MTHFD1L: variants seen among roughly 807,000 people sequenced by gnomAD.
MTHFD1L encodes methylenetetrahydrofolate dehydrogenase (NADP+ dependent) 1 like.
MTHFD1L carries 81 observed loss-of-function variants against 119.5 expected under a neutral mutation model. The observed-to-expected ratio is 0.68, with a 90% confidence interval of 0.57 to 0.82. The LOEUF (loss-of-function observed/expected upper bound fraction) is 0.82. Among genes scored for constraint, MTHFD1L ranks in the 40% least tolerant of loss-of-function variants. The pLI, the probability that MTHFD1L is intolerant of heterozygous loss-of-function variation, is 0.00. For missense variants in MTHFD1L, 1,125 were observed against 1,253.4 expected, an observed-to-expected ratio of 0.90 and a Z score of 1.55; for synonymous variants, 430 against 475.2, an observed-to-expected ratio of 0.90 and a Z score of 1.24.
At chr6:150,995,783 T>C (rs991626123) in intron 20 of MTHFD1L, among the ~76,000 whole-genome samples, 7 of 151,954 alleles carry the variant, frequency 4.6e-5, no homozygotes, top group Admixed American at 2.0e-4. Flanking sequence ...TTCTCCTGCC[T>C]CAGCCTCCCA....
At chr6:150,892,608 A>G (rs1466367251) in intron 7 of MTHFD1L, among the ~76,000 whole-genome samples, 1 of 152,200 alleles carries the variant, frequency 6.6e-6, no homozygotes, top group Non-Finnish European at 1.5e-5. Context: ...AAATGTTCAT[A>G]GCCCCGCCCC....
rs1562540651 is a variant in MTHFD1L, at chr6:151,014,995, C to T, written c.2408+15C>T. ...AATGTCTTCAAGTAAGTCCAGCCTCCTCCTTTAAATGTGGGCATTATCACT... is the reference window on the plus strand; with the variant it reads ...AATGTCTTCAAGTAAGTCCAGCCTCTTCCTTTAAATGTGGGCATTATCACT... On this transcript the variant is annotated intron_variant, in intron 23 of 27. Coordinates refer to ENST00000367321, the MANE Select transcript of MTHFD1L (RefSeq NM_015440.5). 6.2e-7 allele frequency: 1 copy of T among 1,609,498 alleles called. No individual in the cohort carries two copies. The highest frequency in any genetic ancestry group is 8.5e-7 in the Non-Finnish European group (1 of 1,176,406).
intron 11 of MTHFD1L, among the ~76,000 whole-genome samples, chr6:150,927,335 T>C (rs1790177733): frequency 6.6e-6 from 1 of 152,064 alleles, no homozygotes; most frequent in African/African-American, 2.4e-5. Flanking sequence ...TCACATGCTA[T>C]TGTGTAAGCA....
At chr6:151,046,459 A>ATG (rs1210863991) in intron 26 of MTHFD1L, among the ~76,000 whole-genome samples, 1 of 48,682 alleles carries the variant, frequency 2.1e-5, no homozygotes, top group East Asian at 8.2e-4. Flanking sequence ...TATATATATA[A>ATG]TATGTGTGTG....
chr6:150,873,308 C>G (rs977329791), intron 1 of MTHFD1L, among the ~76,000 whole-genome samples: 3 of 151,720 alleles, frequency 2.0e-5, no homozygotes, highest in African/African-American at 7.3e-5. Context: ...AGTGAGACTC[C>G]GTCTCAAAAA....
At chr6:151,067,487 C>A (rs1791452407) in intron 26 of MTHFD1L, among the ~76,000 whole-genome samples, 1 of 151,982 alleles carries the variant, frequency 6.6e-6, no homozygotes, top group Non-Finnish European at 1.5e-5. Flanking sequence ...CCACACCCAG[C>A]TAATTTTTGT....
rs189003758 is a variant in MTHFD1L at position 151,060,788 on chromosome 6, C to T, written c.2847+23671C>T. ...GACCCAGGTCTTGTGAGGCCTTGAG[C>T]GTCAAGCTTAGGAGTCAGGACCTGG... On this transcript the variant is annotated intron_variant, in intron 26 of 27. Transcript: ENST00000367321. Among the ~76,000 whole-genome samples the T allele has an allele frequency of 1.2e-3, 182 of 149,598 alleles. 1 individual carries two copies. The highest frequency in any genetic ancestry group is 4.9e-4 in the Non-Finnish European group (33 of 67,074).
chr6:150,922,747 G>A (rs535869458), intron 10 of MTHFD1L, among the ~76,000 whole-genome samples: 2 of 148,528 alleles, frequency 1.3e-5, no homozygotes, highest in Admixed American at 1.4e-4. Flanking sequence ...AGGTTCAAGC[G>A]ATTCTCCTGC....
intron 1 of MTHFD1L, among the ~76,000 whole-genome samples, chr6:150,870,446 C>T (rs1286251908): frequency 2.6e-5 from 4 of 152,058 alleles, no homozygotes; most frequent in Non-Finnish European, 1.5e-5. Context: ...CCTTTACATA[C>T]CTGTACAGGC....
At chr6:151,049,763 G>A (rs1469675548) in intron 26 of MTHFD1L, among the ~76,000 whole-genome samples, 1 of 152,074 alleles carries the variant, frequency 6.6e-6, no homozygotes. Flanking sequence ...ATTTACAGAG[G>A]TGTTATGATA....
At chr6:150,956,794 T>A (rs570949340) in intron 17 of MTHFD1L, among the ~76,000 whole-genome samples, 9 of 152,152 alleles carry the variant, frequency 5.9e-5, no homozygotes, top group Non-Finnish European at 1.2e-4. Flanking sequence ...TAATAACCAA[T>A]CCTTACGCCA....
chr6:151,068,025 A>G (rs982120011), intron 26 of MTHFD1L, among the ~76,000 whole-genome samples: 1 of 152,240 alleles, frequency 6.6e-6, no homozygotes, highest in Non-Finnish European at 1.5e-5. Context: ...GACTTGAATA[A>G]CAGATTTATT....
intron 20 of MTHFD1L, among the ~76,000 whole-genome samples, chr6:150,999,417 C>T (rs2128461941): frequency 6.6e-6 from 1 of 152,286 alleles, no homozygotes; most frequent in East Asian, 1.9e-4. Context: ...ATGCAATCAT[C>T]CAAAATCCCA....
chr6:150,971,865 A>G, intron 19 of MTHFD1L, 82 bp from the exon 20 acceptor site: 6 of 1,161,798 alleles, frequency 5.2e-6, no homozygotes, highest in Non-Finnish European at 7.7e-6. Context: ...AAGCTTTCCT[A>G]CCCCATTTGC....
chr6:150,980,723 A>G (rs566251883), intron 20 of MTHFD1L, among the ~76,000 whole-genome samples: 87 of 151,450 alleles, frequency 5.7e-4, no homozygotes, highest in Admixed American at 2.6e-3. Context: ...AAAAAAAAAA[A>G]AAAGAAAGAA....
chr6:151,037,481 G>A (rs2094086696), intron 26 of MTHFD1L, among the ~76,000 whole-genome samples: 1 of 151,992 alleles, frequency 6.6e-6, no homozygotes. Flanking sequence ...ATCACGGTGG[G>A]GTTGACTGCT....
intron 16 of MTHFD1L, among the ~76,000 whole-genome samples, chr6:150,952,923 C>T (rs1303983920): frequency 1.3e-5 from 2 of 152,308 alleles, no homozygotes; most frequent in East Asian, 1.9e-4. Context: ...TCCAGAAATA[C>T]TTAACATAAG....
At chr6:151,049,532 G>T (rs1001601785) in intron 26 of MTHFD1L, among the ~76,000 whole-genome samples, 1 of 151,356 alleles carries the variant, frequency 6.6e-6, no homozygotes, top group African/African-American at 2.4e-5. Flanking sequence ...TGTGGTGGCG[G>T]GCTCCTGTAA....
rs112963232 is a variant in MTHFD1L, at chr6:151,063,033, TA to T, written c.2847+25927del. On this transcript the variant is annotated intron_variant, in intron 26 of 27. Coordinates refer to ENST00000367321, the MANE Select transcript of MTHFD1L (RefSeq NM_015440.5). ...ATGTACCCTAGAACTTAAAGTACAA[TA>T]AAAAAAAAAATTAAAGAAAAGAGAT... Among the ~76,000 whole-genome samples, 865 of 143,308 alleles carry T rather than the reference TA, an allele frequency of 6.0e-3. 6 individuals are homozygous for T. The highest frequency in any genetic ancestry group is 0.022 in the African/African-American group (807 of 36,574). 94.0% of individuals were successfully genotyped at this position (143,308 alleles called of 152,430 possible). A position where few individuals can be genotyped will look rare whatever the true frequency, so the allele number is the denominator to read the frequency against.
Sources: allele counts gnomAD v4.1 joint callset (sites outside exome capture counted in the v4.1 genomes callset), GRCh38; gene constraint gnomAD v4.1.1; transcripts MANE v1.5; gene names NCBI Gene and HGNC (gene_info 2026-07-23, HGNC 2026-07-21).